ACTN4: variants seen among roughly 807,000 people sequenced by gnomAD.
ACTN4 encodes the protein actinin alpha 4, also known as alpha-actinin-4.
In ACTN4, 18 loss-of-function variants were observed where a neutral mutation model predicts 114.2. The observed-to-expected ratio is 0.16, with a 90% CI of 0.11 to 0.23. The LOEUF (loss-of-function observed/expected upper bound fraction) is 0.23. Ranked by LOEUF, ACTN4 falls within the 10% of genes least tolerant of loss-of-function variation. The pLI, the probability that ACTN4 is intolerant of heterozygous loss-of-function variation, is 1.00. For synonymous variants in ACTN4, 515 were observed against 506.3 expected (o/e 1.02, Z -0.23); for missense variants, 722 against 1,262.9 (o/e 0.57, Z 6.49).
Position 38,725,810 on chromosome 19 carries a change from C to A in ACTN4, c.2097C>A (p.Asp699Glu), listed in dbSNP as rs768638669. ...HLKQYERSIV[D>E]YKPNLDLLEQ... is the part of the protein sequence containing the mutation. ...AGCAGTATGAACGCAGCATCGTGGA[C>A]TACAAGCCCAACCTGGACCTGCTGG... The change falls in exon 17 of 21, where the codon GAC (aspartate) becomes GAA (glutamate). Residue 699 changes from aspartate (D) to glutamate (E), a missense_variant. Physicochemically the swap from Asp to Glu is conservative, Grantham distance 45. Coordinates refer to ENST00000252699, the MANE Select transcript of ACTN4 (RefSeq NM_004924.6). 2 of 1,614,190 alleles carry A rather than the reference C, an allele frequency of 1.2e-6. No homozygotes were observed. The highest frequency in any genetic ancestry group is 2.2e-5 in the South Asian group (2 of 91,086).
rs549626428 is a variant in ACTN4 at position 38,708,316 on chromosome 19, T to C, written c.651+121T>C. On this transcript the variant is annotated intron_variant, in intron 6 of 20. Coordinates refer to ENST00000252699, the MANE Select transcript of ACTN4 (RefSeq NM_004924.6). ...TCCAGATCTGGGTTCTGCACGCAGATGGGCAGCCTGGGAGAGCCTTGTGCA... is the reference window on the plus strand; with the variant it reads ...TCCAGATCTGGGTTCTGCACGCAGACGGGCAGCCTGGGAGAGCCTTGTGCA... 3.5e-5 allele frequency: 38 copies of C among 1,093,272 alleles called. 1 individual carries two copies. The South Asian group carries it at 4.8e-4, about 14-fold the overall frequency. 67.7% of individuals were successfully genotyped at this position (1,093,272 alleles called of 1,614,324 possible).
In ACTN4 at chr19:38,731,080, GCCCCAC is replaced by G; in HGVS notation, c.*1650_*1655del. ...CAGTCCCCGTACCCCTTCCCCCCAT[GCCCCAC>G]CATGCCGGGGTGGTACTCACAGAAG... On this transcript the variant is annotated 3_prime_UTR_variant, in exon 21 of 21. Coordinates refer to ENST00000252699, the MANE Select transcript of ACTN4 (RefSeq NM_004924.6). The G allele has an allele frequency of 9.1e-7, 1 of 1,093,296 alleles. No homozygotes were observed. The highest frequency in any genetic ancestry group is 1.3e-6 in the Non-Finnish European group (1 of 776,894). The allele number at this position is 1,093,296 out of a possible 1,614,324, so 67.7% of individuals were successfully genotyped here.
At chr19:38,650,949 T>G (rs1428330377) in intron 1 of ACTN4, among the ~76,000 whole-genome samples, 1 of 152,160 alleles carries the variant, frequency 6.6e-6, no homozygotes, top group Non-Finnish European at 1.5e-5. Context: ...GTCGGGCTGG[T>G]CTCAAACTCC....
At chr19:38,720,345 C>T (rs1389292838) in intron 11 of ACTN4, among the ~76,000 whole-genome samples, 6 of 152,244 alleles carry the variant, frequency 3.9e-5, no homozygotes, top group Non-Finnish European at 8.8e-5. Flanking sequence ...CACATCCTCT[C>T]GGTGCACCCT....
intron 16 of ACTN4, among the ~76,000 whole-genome samples, chr19:38,725,143 A>C (rs1451459982): frequency 1.3e-5 from 2 of 152,202 alleles, no homozygotes; most frequent in Non-Finnish European, 2.9e-5. Flanking sequence ...TGTCATTCTT[A>C]CAGCAGTTCT....
chr19:38,652,683 G>GT (rs889739424), intron 1 of ACTN4, among the ~76,000 whole-genome samples: 12 of 152,196 alleles, frequency 7.9e-5, no homozygotes, highest in African/African-American at 2.7e-4. Flanking sequence ...GGGCTGCCTT[G>GT]TGGGGGGGAA....
At chr19:38,673,538 TA>T (rs1568689784) in intron 1 of ACTN4, among the ~76,000 whole-genome samples, 5 of 59,856 alleles carry the variant, frequency 8.4e-5, no homozygotes, top group East Asian at 5.1e-4. Flanking sequence ...CATATATACT[TA>T]TATATATTTA....
In ACTN4 at chr19:38,661,061, G is replaced by C. The variant is rs116827251; in HGVS notation, c.162+13154G>C. On this transcript the variant is annotated intron_variant, in intron 1 of 20. Transcript: ENST00000252699. ...AAGGGGGCCCCCGAGGAGCAGAAAG[G>C]CCCGAGTGGTCAGAGCGGAGCCCGT... 3.7e-3 allele frequency among the ~76,000 whole-genome samples: 563 copies of C among 152,274 alleles called. 3 individuals carry two copies. Among genetic ancestry groups the C allele is most frequent in the African/African-American group, 0.012 (517 of 41,550 alleles).
rs1349444023 is a variant in ACTN4, at chr19:38,726,865, G to A, written c.2191-92G>A. 4 of 1,562,990 alleles carry A rather than the reference G, an allele frequency of 2.6e-6. No individual in the cohort carries two copies. In the African/African-American group the frequency reaches 5.4e-5, roughly 21 times the overall value. On this transcript the variant is annotated intron_variant, in intron 17 of 20. Transcript: ENST00000252699. ...CAGGAGAGCAGGGGCTTTCCCCAGG[G>A]CGGGAGGACAGTTCACAGTCCTCCA...
intron 1 of ACTN4, among the ~76,000 whole-genome samples, chr19:38,675,544 T>TTTTTA (rs2144902852): frequency 6.6e-6 from 1 of 152,362 alleles, no homozygotes; most frequent in South Asian, 2.1e-4. Flanking sequence ...ACTTTGTTGC[T>TTTTTA]TTTTAATAAG....
chr19:38,657,071 G>A (rs906688689), intron 1 of ACTN4, among the ~76,000 whole-genome samples: 1 of 152,160 alleles, frequency 6.6e-6, no homozygotes, highest in African/African-American at 2.4e-5. Context: ...GAACTCTTGG[G>A]CTCAAGGGAT....
chr19:38,658,390 A>G (rs968710326), intron 1 of ACTN4, among the ~76,000 whole-genome samples: 1 of 152,194 alleles, frequency 6.6e-6, no homozygotes, highest in Non-Finnish European at 1.5e-5. Flanking sequence ...AAAGAACTCT[A>G]AATTTCCCAC....
intron 17 of ACTN4, 98 bp downstream of exon 17, chr19:38,726,001 G>T (rs763861557): frequency 4.0e-6 from 6 of 1,488,134 alleles, no homozygotes; most frequent in Non-Finnish European, 5.6e-6. Flanking sequence ...TCTGCTGTCT[G>T]TTGTTTTTCA....
At chr19:38,648,624 GGAA>G (rs887383391) in intron 1 of ACTN4, among the ~76,000 whole-genome samples, 59 of 152,022 alleles carry the variant, frequency 3.9e-4, no homozygotes, top group African/African-American at 1.4e-3. Context: ...GGGTGCGGAA[GGAA>G]GAAGTTAAGG....
intron 1 of ACTN4, among the ~76,000 whole-genome samples, chr19:38,683,548 TC>T (rs1210583355): frequency 2.0e-5 from 3 of 151,700 alleles, no homozygotes; most frequent in Non-Finnish European, 2.9e-5. Flanking sequence ...CACCAACTTT[TC>T]CCCCCCTTCT....
At chr19:38,700,769 A>T in intron 2 of ACTN4, 55 bp downstream of exon 2, 1 of 1,525,468 alleles carries the variant, frequency 6.6e-7, no homozygotes, top group Non-Finnish European at 9.0e-7. Context: ...GCTCTGCCAC[A>T]GCGGTCCCCA....
At chr19:38,649,848 G>A (rs992827721) in intron 1 of ACTN4, among the ~76,000 whole-genome samples, 1 of 152,098 alleles carries the variant, frequency 6.6e-6, no homozygotes, top group Non-Finnish European at 1.5e-5. Flanking sequence ...CATAACCTTG[G>A]GTCCATTACC....
At chr19:38,690,026 A>C (rs1286203791) in intron 1 of ACTN4, among the ~76,000 whole-genome samples, 1 of 152,216 alleles carries the variant, frequency 6.6e-6, no homozygotes, top group Admixed American at 6.5e-5. Context: ...AGGGCTCATT[A>C]AAATACCAAT....
chr19:38,691,866 G>A (rs544152060), intron 1 of ACTN4, among the ~76,000 whole-genome samples: 3 of 152,104 alleles, frequency 2.0e-5, no homozygotes, highest in South Asian at 2.1e-4. Context: ...TCATGCCACC[G>A]CACTCCAACC....
Sources: gnomAD v4.1 joint callset for allele counts (sites outside exome capture counted in the v4.1 genomes callset) on GRCh38, gnomAD v4.1.1 for gene constraint, MANE v1.5 for transcripts, NCBI Gene and HGNC (gene_info 2026-07-23, HGNC 2026-07-21) for gene names.